TYW5: variants seen among roughly 807,000 people sequenced by gnomAD.
TYW5 encodes the protein tRNA-yW synthesizing protein 5.
Under a neutral mutation model 44.4 loss-of-function variants are expected in TYW5, and 36 were observed. The ratio of observed to expected loss-of-function variants is 0.81; its 90% CI spans 0.62 to 1.07. The LOEUF (loss-of-function observed/expected upper bound fraction) is 1.07, where lower values mean the gene tolerates loss of function less well. Among genes scored for constraint, TYW5 ranks in the 50% least tolerant of loss-of-function variants. TYW5 has a pLI of 0.00. For missense variants in TYW5, 354 were observed against 365.7 expected, an observed-to-expected ratio of 0.97 and a Z score of 0.26; for synonymous variants, 121 against 128.1, an observed-to-expected ratio of 0.94 and a Z score of 0.37.
chr2:199,940,988 A>T (rs1467501249), intron 3 of TYW5, among the ~76,000 whole-genome samples: 2 of 152,194 alleles, frequency 1.3e-5, no homozygotes, highest in African/African-American at 4.8e-5. Context: ...CAGCTCATGT[A>T]TGAATTAGAA....
intron 4 of TYW5, 64 bp from the exon 5 acceptor site, chr2:199,939,134 G>A: frequency 1.2e-5 from 18 of 1,457,604 alleles, no homozygotes; most frequent in African/African-American, 2.8e-5. Flanking sequence ...AGGAAGACTG[G>A]GGCAAAACTT....
chr2:199,949,630 G>A (rs2077529720), intron 1 of TYW5, among the ~76,000 whole-genome samples: 1 of 152,074 alleles, frequency 6.6e-6, no homozygotes, highest in Non-Finnish European at 1.5e-5. Flanking sequence ...TTCAATTTGG[G>A]TTTATCTTAA....
chr2:199,935,914 A>G lies in TYW5; in HGVS notation c.691+17T>C. On this transcript the variant is annotated intron_variant, in intron 7 of 7. Coordinates refer to ENST00000354611, the MANE Select transcript of TYW5 (RefSeq NM_001039693.3). ...ACATTTTATAAATAGCACATTAGTG[A>G]GGTCTAGAAATCTTACCAGGAATGA... 1 of 1,485,904 alleles carries G rather than the reference A, an allele frequency of 6.7e-7. No homozygotes were observed. Among genetic ancestry groups the G allele is most frequent in the Non-Finnish European group, 9.4e-7 (1 of 1,068,488 alleles). 92.0% of individuals were successfully genotyped at this position (1,485,904 alleles called of 1,614,324 possible). A position where few individuals can be genotyped will look rare whatever the true frequency, so the allele number is the denominator to read the frequency against.
rs747593086 is a variant in TYW5 at position 199,936,067 on chromosome 2, GA to G, written c.575-21del. 2 of 1,312,912 alleles carry G rather than the reference GA, an allele frequency of 1.5e-6. No homozygotes were observed. Among genetic ancestry groups the G allele is most frequent in the South Asian group, 2.5e-5 (2 of 79,764 alleles). The allele number at this position is 1,312,912 out of a possible 1,614,324, so 81.3% of individuals were successfully genotyped here. ...TAGTACCTAAAAAGTTCCAAAAAGG[GA>G]TAATATAGATTCAGCAAAGTTAGCA... On this transcript the variant is annotated intron_variant, in intron 6 of 7. Transcript: ENST00000354611.
rs1559296925 is a variant in TYW5 at position 199,929,169 on chromosome 2, TA to T, written c.*3897del. On this transcript the variant is annotated 3_prime_UTR_variant, in exon 8 of 8. Transcript: ENST00000354611. ...TTTTAGTATTCTGTTTAATGGAACT[TA>T]GAAAGAGACTACATCGTGGGGTTGG... 2.1e-5 allele frequency among the ~76,000 whole-genome samples: 3 copies of T among 144,296 alleles called. No homozygotes were observed. The highest frequency in any genetic ancestry group is 7.7e-5 in the African/African-American group (3 of 39,158). 94.7% of individuals were successfully genotyped at this position (144,296 alleles called of 152,430 possible).
In TYW5 at chr2:199,938,959, C is replaced by T; in HGVS notation, c.460G>A (p.Gly154Arg). 1.2e-6 allele frequency: 2 copies of T among 1,612,124 alleles called. No individual in the cohort carries two copies. The highest frequency in any genetic ancestry group is 1.1e-5 in the South Asian group (1 of 90,906). Reference protein sequence around the residue: ...FSSVFRISSPGLQLWTHYDVM... With the variant: ...FSSVFRISSPRLQLWTHYDVM... ...TCATAATGAGTCCATAGTTGTAATC[C>T]TGGTGAACTAATTCGAAAAACACTG... Residue 154 changes from glycine (G) to arginine (R), a missense_variant, in exon 5 of 8, where the codon GGA (glycine) becomes AGA (arginine). Gly to Arg is a moderately radical substitution (Grantham distance 125, BLOSUM62 -2). Transcript: ENST00000354611.
intron 1 of TYW5, among the ~76,000 whole-genome samples, chr2:199,953,863 G>C (rs1441805337): frequency 2.0e-5 from 3 of 152,166 alleles, no homozygotes; most frequent in African/African-American, 7.2e-5. Context: ...TGTCTGAAGA[G>C]ATTAAATTAC....
chr2:199,953,045 G>C (rs1452194405), intron 1 of TYW5, among the ~76,000 whole-genome samples: 14 of 152,226 alleles, frequency 9.2e-5, no homozygotes, highest in Non-Finnish European at 1.5e-4. Flanking sequence ...TGCCAGGCTG[G>C]GCGCGGTGGC....
At chr2:199,953,627 T>C (rs555456232) in intron 1 of TYW5, among the ~76,000 whole-genome samples, 2 of 152,350 alleles carry the variant, frequency 1.3e-5, no homozygotes, top group East Asian at 3.9e-4. Context: ...TTGGTCTATC[T>C]ATTCATGTAC....
At chr2:199,933,812 C>T (rs1417223186) in intron 7 of TYW5, among the ~76,000 whole-genome samples, 2 of 152,074 alleles carry the variant, frequency 1.3e-5, no homozygotes, top group African/African-American at 2.4e-5. Context: ...TGCTTAAATT[C>T]GTATTCATTA....
rs969039948 is a variant in TYW5 at position 199,932,726 on chromosome 2, G to A, written c.*341C>T. Reference sequence around the variant, plus strand: ...TGAAAAGGGGGTGGGGTGTGGAGGCGGGTTCCCAAGGTTCTTGATGACATT... The same window carrying A: ...TGAAAAGGGGGTGGGGTGTGGAGGCAGGTTCCCAAGGTTCTTGATGACATT... On this transcript the variant is annotated 3_prime_UTR_variant, in exon 8 of 8. Coordinates refer to ENST00000354611, the MANE Select transcript of TYW5 (RefSeq NM_001039693.3). 7.4e-5 allele frequency: 16 copies of A among 216,078 alleles called. No individual in the cohort carries two copies. Among genetic ancestry groups the A allele is most frequent in the African/African-American group, 2.8e-4 (12 of 42,972 alleles). 13.4% of individuals were successfully genotyped at this position (216,078 alleles called of 1,614,324 possible). A position where few individuals can be genotyped will look rare whatever the true frequency, so the allele number is the denominator to read the frequency against.
At chr2:199,948,611 T>C in intron 1 of TYW5, 139 bp from the exon 2 acceptor site, 1 of 746,050 alleles carries the variant, frequency 1.3e-6, no homozygotes. Flanking sequence ...CTTCTGACAG[T>C]TCATGCTGTC....
chr2:199,945,320 C>T (rs1298623361), intron 2 of TYW5: 1 of 152,136 alleles, frequency 6.6e-6, no homozygotes, highest in Non-Finnish European at 1.5e-5. Flanking sequence ...GCCTTATATC[C>T]TCCCGCAAAA....
At chr2:199,939,207 TC>T in intron 4 of TYW5, 137 bp from the exon 5 acceptor site, 47 of 705,308 alleles carry the variant, frequency 6.7e-5, no homozygotes, top group Non-Finnish European at 8.2e-5. Context: ...TCTCTCTCTA[TC>T]TTTCTCTCTC....
chr2:199,943,713 A>T (rs1474367850), intron 3 of TYW5, 52 bp downstream of exon 3: 3 of 1,396,676 alleles, frequency 2.1e-6, no homozygotes, highest in African/African-American at 2.9e-5. Flanking sequence ...AAGAAAATCC[A>T]TTTAGTATAT....
Position 199,936,510 on chromosome 2 carries a change from C to T in TYW5, c.487-18G>A. On this transcript the variant is annotated intron_variant, in intron 5 of 7. Transcript: ENST00000354611. ...TCCATTACCTGAAGACCAATAAAAG[C>T]TTATGGGTAATCATTATCTAAAATT... 6.3e-7 allele frequency: 1 copy of T among 1,585,310 alleles called. No homozygotes were observed. The highest frequency in any genetic ancestry group is 8.6e-7 in the Non-Finnish European group (1 of 1,158,740).
chr2:199,939,979 G>A, intron 4 of TYW5, 110 bp downstream of exon 4: 1 of 1,031,046 alleles, frequency 9.7e-7, no homozygotes, highest in South Asian at 1.4e-5. Context: ...AATGGAAAAG[G>A]ATAGAACAGG....
At position 199,931,186 on chromosome 2, in the gene TYW5, T is replaced by C. The variant is rs1453458808; in HGVS notation, c.*1881A>G. The C allele has an allele frequency of 2.0e-5, 3 of 152,180 alleles. No homozygotes were observed. Among genetic ancestry groups the C allele is most frequent in the African/African-American group, 7.2e-5 (3 of 41,446 alleles). 9.4% of individuals were successfully genotyped at this position (152,180 alleles called of 1,614,324 possible). A position where few individuals can be genotyped will look rare whatever the true frequency, so the allele number is the denominator to read the frequency against. On this transcript the variant is annotated 3_prime_UTR_variant, in exon 8 of 8. Transcript: ENST00000354611. ...AATTAAATAGAAGAACTAGCACCAG[T>C]TATCAACTATGTGCCTGCCCTTGAA...
intron 1 of TYW5, among the ~76,000 whole-genome samples, chr2:199,951,878 G>A (rs1185362709): frequency 6.6e-6 from 1 of 152,058 alleles, no homozygotes; most frequent in Non-Finnish European, 1.5e-5. Context: ...TTAGCCGGGT[G>A]TGGTGGCGGG....
Sources: gnomAD v4.1 joint callset for allele counts (sites outside exome capture counted in the v4.1 genomes callset) on GRCh38, gnomAD v4.1.1 for gene constraint, MANE v1.5 for transcripts, NCBI Gene and HGNC (gene_info 2026-07-23, HGNC 2026-07-21) for gene names.